The following CADM2 variants were observed in gnomAD, a reference collection of about 807,000 sequenced individuals.
CADM2 encodes the protein immunoglobulin superfamily member 4D.
Under a neutral mutation model 49.8 loss-of-function variants are expected in CADM2, and 12 were observed. The ratio of observed to expected loss-of-function variants is 0.24; its 90% confidence interval spans 0.15 to 0.39. CADM2 has a LOEUF of 0.39. Ranked by LOEUF, CADM2 falls within the 10% of genes least tolerant of loss-of-function variation. The pLI, the probability that CADM2 is intolerant of heterozygous loss-of-function variation, is 1.00. For synonymous variants in CADM2, 214 were observed against 175.4 expected (o/e 1.22, Z -1.74); for missense variants, 378 against 492.3 (o/e 0.77, Z 2.20).
At chr3:85,900,410 G>A (rs374581662) in intron 5 of CADM2, among the ~76,000 whole-genome samples, 2 of 152,154 alleles carry the variant, frequency 1.3e-5, no homozygotes, top group East Asian at 1.9e-4. Context: ...AAAATCATGC[G>A]AGTTTTGAGG....
chr3:85,205,610 A>G (rs1194638859), intron 1 of CADM2, among the ~76,000 whole-genome samples: 1 of 152,134 alleles, frequency 6.6e-6, no homozygotes, highest in Non-Finnish European at 1.5e-5. Flanking sequence ...TAAAAAGAGT[A>G]AAAAGTAGCT....
At chr3:85,067,381 T>C (rs1191818643) in intron 1 of CADM2, among the ~76,000 whole-genome samples, 1 of 152,100 alleles carries the variant, frequency 6.6e-6, no homozygotes, top group East Asian at 1.9e-4. Flanking sequence ...CTTTTTATTA[T>C]AATGTGAAAT....
intron 8 of CADM2, among the ~76,000 whole-genome samples, chr3:86,042,594 A>G (rs952598825): frequency 2.0e-5 from 3 of 152,176 alleles, no homozygotes; most frequent in East Asian, 1.9e-4. Context: ...TTAATAGCTT[A>G]CCAACCAAAA....
In CADM2 at chr3:86,015,508, T is replaced by C. The variant is rs371180421; in HGVS notation, c.971-50097T>C. 1.3e-4 allele frequency among the ~76,000 whole-genome samples: 20 copies of C among 152,350 alleles called. No individual in the cohort carries two copies. In the East Asian group the frequency reaches 1.5e-3, roughly 12 times the overall value. ...AAGGAATACATTTTATAAAATGTTA[T>C]AGTGACACCCACAGTTGACCTTTGA... On this transcript the variant is annotated intron_variant, in intron 8 of 9. Transcript: ENST00000383699.
At chr3:85,371,398 A>T (rs984859535) in intron 1 of CADM2, among the ~76,000 whole-genome samples, 7 of 151,852 alleles carry the variant, frequency 4.6e-5, no homozygotes, top group African/African-American at 1.2e-4. Flanking sequence ...CACAAATACC[A>T]TTGTGCTGCA....
chr3:85,596,591 A>C (rs2063246731), intron 1 of CADM2, among the ~76,000 whole-genome samples: 1 of 151,890 alleles, frequency 6.6e-6, no homozygotes, highest in South Asian at 2.1e-4. Flanking sequence ...CATTTTGGTA[A>C]GACCACTTAC....
chr3:85,168,754 T>C (rs1045435677), intron 1 of CADM2, among the ~76,000 whole-genome samples: 3 of 152,198 alleles, frequency 2.0e-5, no homozygotes, highest in Non-Finnish European at 1.5e-5. Context: ...TCATTTCCAA[T>C]GCAACCTGGA....
intron 8 of CADM2, among the ~76,000 whole-genome samples, chr3:86,035,945 C>T (rs997608269): frequency 2.6e-5 from 4 of 152,070 alleles, no homozygotes; most frequent in African/African-American, 9.7e-5. Flanking sequence ...TTTCTTTTCA[C>T]CATATTCTCG....
At chr3:85,563,666 A>AT (rs2062166733) in intron 1 of CADM2, among the ~76,000 whole-genome samples, 1 of 152,108 alleles carries the variant, frequency 6.6e-6, no homozygotes, top group African/African-American at 2.4e-5. Flanking sequence ...ATTCCAAGAT[A>AT]TTTGTTGATA....
At chr3:86,029,908 A>C (rs527930871) in intron 8 of CADM2, among the ~76,000 whole-genome samples, 2 of 152,170 alleles carry the variant, frequency 1.3e-5, no homozygotes, top group South Asian at 2.1e-4. Context: ...GATGAGTACT[A>C]AAAGAGAAGC....
intron 1 of CADM2, among the ~76,000 whole-genome samples, chr3:85,069,076 T>G (rs998171912): frequency 2.0e-5 from 3 of 152,104 alleles, no homozygotes; most frequent in African/African-American, 7.2e-5. Flanking sequence ...GCTGAGTGAA[T>G]GGCTCAATTA....
chr3:85,958,799 C>G (rs1483142330), intron 7 of CADM2, among the ~76,000 whole-genome samples: 2 of 151,802 alleles, frequency 1.3e-5, no homozygotes, highest in African/African-American at 4.8e-5. Flanking sequence ...AATACAAGAA[C>G]AGAAAACCAA....
At chr3:85,522,411 T>C (rs1035932354) in intron 1 of CADM2, among the ~76,000 whole-genome samples, 1 of 152,118 alleles carries the variant, frequency 6.6e-6, no homozygotes, top group African/African-American at 2.4e-5. Context: ...TCCCACAAAG[T>C]CGATGTAAGA....
intron 5 of CADM2, among the ~76,000 whole-genome samples, chr3:85,892,226 G>A (rs1344535787): frequency 6.6e-6 from 1 of 152,162 alleles, no homozygotes; most frequent in African/African-American, 2.4e-5. Context: ...ACTTTCAAGT[G>A]AACTTGGTGA....
chr3:85,725,209 A>G (rs2067653015), intron 1 of CADM2, among the ~76,000 whole-genome samples: 1 of 151,946 alleles, frequency 6.6e-6, no homozygotes, highest in African/African-American at 2.4e-5. Context: ...TTCATTTTAA[A>G]ATAAACTAGT....
chr3:85,684,444 CAGAGAG>C (rs112163774), intron 1 of CADM2, among the ~76,000 whole-genome samples: 1 of 148,678 alleles, frequency 6.7e-6, no homozygotes, highest in African/African-American at 2.5e-5. Flanking sequence ...CACACTTTGA[CAGAGAG>C]AGAGAGAGAG....
intron 3 of CADM2, among the ~76,000 whole-genome samples, chr3:85,808,466 G>A (rs4555536): frequency 0.66 from 100,427 of 151,950 alleles, 33,623 homozygotes; most frequent in East Asian, 0.76. Flanking sequence ...CAATTAGATC[G>A]TAGTGTCTGT....
intron 1 of CADM2, among the ~76,000 whole-genome samples, chr3:85,203,070 T>G (rs1307017874): frequency 6.6e-6 from 1 of 152,206 alleles, no homozygotes; most frequent in Non-Finnish European, 1.5e-5. Flanking sequence ...GGAATGTGGC[T>G]GGTTTGAGCT....
chr3:85,978,432 C>A (rs1352894786), intron 8 of CADM2, among the ~76,000 whole-genome samples: 1 of 151,428 alleles, frequency 6.6e-6, no homozygotes, highest in Non-Finnish European at 1.5e-5. Flanking sequence ...CTAGGTATGC[C>A]GTATTAAAAT....
Sources: gnomAD v4.1 joint callset for allele counts (sites outside exome capture counted in the v4.1 genomes callset) on GRCh38, gnomAD v4.1.1 for gene constraint, MANE v1.5 for transcripts, NCBI Gene and HGNC (gene_info 2026-07-23, HGNC 2026-07-21) for gene names.